Variants in AZIN2 observed in about 807,000 individuals in gnomAD.
AZIN2 encodes antizyme inhibitor 2.
AZIN2 carries 28 observed loss-of-function variants against 47.8 expected under a neutral mutation model. The observed-to-expected ratio is 0.59, with a 90% CI of 0.43 to 0.80. The LOEUF (loss-of-function observed/expected upper bound fraction) is 0.80. Among genes scored for constraint, AZIN2 ranks in the 30% least tolerant of loss-of-function variants. The pLI, the probability that AZIN2 is intolerant of heterozygous loss-of-function variation, is 0.00. For synonymous variants in AZIN2, 221 were observed against 239.4 expected (o/e 0.92, Z 0.71); for missense variants, 535 against 582.5 (o/e 0.92, Z 0.84).
the AZIN2 span, chr1:33,142,257 G>A: frequency 6.6e-6 from 1 of 152,314 alleles, no homozygotes. Context: ...GTGCTGCCCA[G>A]GTGTGAGCAG....
At chr1:33,127,218 C>G (rs1644862679), downstream of AZIN2, among the ~76,000 whole-genome samples, 1 of 152,266 alleles carries the variant, frequency 6.6e-6, no homozygotes, top group South Asian at 2.1e-4. Context: ...GAAACGATTG[C>G]CTGGCGGAAC....
rs150673747 is a variant in AZIN2, at chr1:33,084,064, C to G, written c.216C>G (p.Asn72Lys). 8.7e-6 allele frequency: 14 copies of G among 1,613,872 alleles called. No homozygotes were observed. The African/African-American group carries it at 1.9e-4, about 22-fold the overall frequency. ...RVRPFYAVKC[N>K]SSPGVLKVLA... ...GGCCCTTTTATGCTGTCAAGTGCAA[C>G]AGCAGCCCAGGTGTGCTGAAGGTTC... The change falls in exon 5 of 12, where the codon AAC becomes AAG. Residue 72 changes from asparagine to lysine, a missense_variant. Transcript: ENST00000294517.
the AZIN2 span, chr1:33,146,226 A>G: frequency 2.6e-5 from 6 of 228,226 alleles, no homozygotes; most frequent in African/African-American, 1.4e-4. Flanking sequence ...ACCAGCTACA[A>G]GTGGCTCTTG....
chr1:33,159,645 A>AG, the AZIN2 span: 3 of 1,577,954 alleles, frequency 1.9e-6, no homozygotes, highest in East Asian at 4.5e-5. The surrounding 1 kb of genome is among the most constrained non-coding windows in gnomAD (Gnocchi z 4.2). Context: ...TGGGTCGAGG[A>AG]GGGGATGGTC....
intron 10 of AZIN2, among the ~76,000 whole-genome samples, chr1:33,117,397 C>T (rs758495714): frequency 6.6e-6 from 1 of 152,040 alleles, no homozygotes; most frequent in Non-Finnish European, 1.5e-5. Flanking sequence ...ATTTGAGGGT[C>T]GGGGAAGGGC....
intron 9 of AZIN2, 38 bp from the exon 10 acceptor site, chr1:33,098,029 T>G (rs1643339930): frequency 6.6e-7 from 1 of 1,503,860 alleles, no homozygotes; most frequent in African/African-American, 1.4e-5. Flanking sequence ...CCCCTCACAT[T>G]GCTACTTGTG....
chr1:33,165,835 TAC>T, the AZIN2 span: 3 of 302,782 alleles, frequency 9.9e-6, no homozygotes, highest in African/African-American at 2.2e-5. This position sits in a 1 kb window ranked among gnomAD's most constrained non-coding sequence, Gnocchi z 4.0. Flanking sequence ...GACTTCCACA[TAC>T]ACACTCTCTG....
At chr1:33,129,963 G>A in the AZIN2 span, among the ~76,000 whole-genome samples, 8 of 152,204 alleles carry the variant, frequency 5.3e-5, no homozygotes, top group Middle Eastern at 3.4e-3. This position sits in a 1 kb window ranked among gnomAD's most constrained non-coding sequence, Gnocchi z 4.1. Context: ...GGGTTCAAGC[G>A]ATTCTCCTGC....
chr1:33,092,831 C>T (rs1642717516), intron 6 of AZIN2, among the ~76,000 whole-genome samples: 1 of 152,102 alleles, frequency 6.6e-6, no homozygotes, highest in South Asian at 2.1e-4. Flanking sequence ...GTGCCTTTTA[C>T]ATGATTACTG....
chr1:33,165,393 CT>C, the AZIN2 span: 1 of 1,355,430 alleles, frequency 7.4e-7, no homozygotes, highest in Non-Finnish European at 1.0e-6. The surrounding 1 kb of genome is among the most constrained non-coding windows in gnomAD (Gnocchi z 4.0). Flanking sequence ...CCCCGCCCCT[CT>C]TCCCCAGCTG....
Position 33,117,943 on chromosome 1 carries a change from G to A in AZIN2, c.1071G>A (p.Trp357Ter), listed in dbSNP as rs753036554. ...TEQPLYSSSL[W>*]GPAVDGCDCV... is the part of the protein sequence containing the mutation. ...AGCCCCTGTACAGCAGCAGCCTGTG[G>A]GGCCCGGCGGTTGATGGCTGTGATT... The change falls in exon 11 of 12, where the codon TGG (tryptophan) becomes TGA (stop). Residue 357 changes from tryptophan to a stop codon, truncating the protein, a stop_gained. Coordinates refer to ENST00000294517, the MANE Select transcript of AZIN2 (RefSeq NM_052998.4). LOFTEE classifies it high-confidence loss of function. The A allele has an allele frequency of 5.0e-6, 8 of 1,613,828 alleles. No homozygotes were observed. In the South Asian group the frequency reaches 8.8e-5, roughly 18 times the overall value.
the AZIN2 span, chr1:33,145,861 AG>A: frequency 2.1e-6 from 1 of 471,158 alleles, no homozygotes; most frequent in African/African-American, 2.0e-5. Flanking sequence ...ACTTCCTTCT[AG>A]GGAAATGACA....
chr1:33,088,347 T>C (rs1642164939), intron 5 of AZIN2, among the ~76,000 whole-genome samples: 3 of 152,106 alleles, frequency 2.0e-5, no homozygotes. Flanking sequence ...AGCTTGCCAG[T>C]CCCACCTCCA....
chr1:33,118,066 T>C lies in AZIN2; in HGVS notation c.1194T>C (p.Phe398=). ...GAYTVGMGSP[F]WGTQACHITY... ...ACACTGTGGGCATGGGTTCCCCCTT[T>C]TGGGGGACCCAGGCCTGCCACATCA... Residue 398 remains phenylalanine (F), a synonymous_variant, in exon 11 of 12, where the codon TTT becomes TTC. Transcript: ENST00000294517. The C allele has an allele frequency of 2.0e-6, 3 of 1,525,758 alleles. No homozygotes were observed. The highest frequency in any genetic ancestry group is 2.6e-6 in the Non-Finnish European group (3 of 1,140,608). 94.5% of individuals were successfully genotyped at this position (1,525,758 alleles called of 1,614,324 possible). A position where few individuals can be genotyped will look rare whatever the true frequency, so the allele number is the denominator to read the frequency against.
chr1:33,106,460 A>G (rs868126502), intron 10 of AZIN2, among the ~76,000 whole-genome samples: 2 of 152,176 alleles, frequency 1.3e-5, no homozygotes, highest in Non-Finnish European at 1.5e-5. Flanking sequence ...AATACACCAT[A>G]AGAAAAGAAA....
intron 10 of AZIN2, among the ~76,000 whole-genome samples, chr1:33,112,764 A>G (rs1644344413): frequency 6.6e-6 from 1 of 152,120 alleles, no homozygotes; most frequent in South Asian, 2.1e-4. Context: ...TGAGTTTGTC[A>G]TTTGCTTTAT....
intron 10 of AZIN2, among the ~76,000 whole-genome samples, chr1:33,103,926 A>C (rs982868457): frequency 1.3e-5 from 2 of 150,106 alleles, no homozygotes; most frequent in African/African-American, 4.9e-5. Flanking sequence ...TCTGTCACCC[A>C]GGCTGGAGTG....
At position 33,083,962 on chromosome 1, in the gene AZIN2, A is replaced by C. The variant is rs1167542975; in HGVS notation, c.114A>C (p.Val38=). The C allele has an allele frequency of 6.2e-7, 1 of 1,614,154 alleles. No homozygotes were observed. The highest frequency in any genetic ancestry group is 8.5e-7 in the Non-Finnish European group (1 of 1,180,034). ...CACTTCTTGTCATTCAGGACGAGGT[A>C]GCTGCCTTCTTCGTGGCTGACCTGG... The part of the protein sequence containing the change: ...LGASQATTDE[V]AAFFVADLGA... The change falls in exon 5 of 12, where the codon GTA becomes GTC. Residue 38 remains valine, a synonymous_variant. Coordinates refer to ENST00000294517, the MANE Select transcript of AZIN2 (RefSeq NM_052998.4).
At position 33,111,413 on chromosome 1, in the gene AZIN2, G is replaced by T. The variant is rs548625538; in HGVS notation, c.1030-6489G>T. Among the ~76,000 whole-genome samples, 47 of 152,228 alleles carry T rather than the reference G, an allele frequency of 3.1e-4. 1 individual carries two copies. The South Asian group carries it at 9.5e-3, about 31-fold the overall frequency. The stretch of plus-strand genomic sequence containing the variant: ...GTACAGCTATTGAATGCCACGTTGA[G>T]ATGTTAAAATGTAAATGTATAGAGT... On this transcript the variant is annotated intron_variant, in intron 10 of 11. Transcript: ENST00000294517.
Sources: gnomAD v4.1 joint callset for allele counts (sites outside exome capture counted in the v4.1 genomes callset) on GRCh38, gnomAD v4.1.1 for gene constraint, Gnocchi (gnomAD v3.1) non-coding constraint, MANE v1.5 for transcripts, NCBI Gene and HGNC (gene_info 2026-07-23, HGNC 2026-07-21) for gene names.